The following DTNA variants were observed in gnomAD, a reference collection of about 807,000 sequenced individuals.
DTNA encodes the protein dystrobrevin alpha.
A neutral mutation model predicts 100.7 loss-of-function variants in DTNA; 43 were observed. The ratio of observed to expected loss-of-function variants is 0.43; its 90% CI spans 0.33 to 0.55. DTNA has a LOEUF of 0.55. Among genes scored for constraint, DTNA ranks in the 20% least tolerant of loss-of-function variants. The pLI is 0.04. For missense variants in DTNA, 798 were observed against 953.9 expected, an observed-to-expected ratio of 0.84 and a Z score of 2.15; for synonymous variants, 349 against 347.9, an observed-to-expected ratio of 1.00 and a Z score of -0.04.
chr18:34,631,065 A>G (rs2058022455), intron 1 of DTNA, among the ~76,000 whole-genome samples: 1 of 152,206 alleles, frequency 6.6e-6, no homozygotes, highest in Non-Finnish European at 1.5e-5. Context: ...AAAATGATTT[A>G]AACAATAATA....
intron 1 of DTNA, among the ~76,000 whole-genome samples, chr18:34,694,855 T>G (rs2080288062): frequency 2.0e-5 from 3 of 152,184 alleles, no homozygotes; most frequent in Non-Finnish European, 4.4e-5. Flanking sequence ...GGTTACATTC[T>G]TCCCATTCAG....
intron 1 of DTNA, among the ~76,000 whole-genome samples, chr18:34,579,423 A>T (rs568485243): frequency 6.6e-6 from 1 of 152,334 alleles, no homozygotes; most frequent in African/African-American, 2.4e-5. Context: ...TTGTAGATTC[A>T]GGCTTTCAGC....
intron 4 of DTNA, among the ~76,000 whole-genome samples, chr18:34,804,533 C>T (rs17557382): frequency 0.1 from 15,689 of 152,068 alleles, 1,040 homozygotes; most frequent in South Asian, 0.15. Flanking sequence ...AACATTTGTT[C>T]GGAGTGGTAG....
intron 1 of DTNA, among the ~76,000 whole-genome samples, chr18:34,548,500 C>T (rs1049972450): frequency 1.8e-4 from 28 of 152,048 alleles, no homozygotes; most frequent in Middle Eastern, 3.4e-3. Flanking sequence ...ATTTTACAAT[C>T]GAAGCATTTC....
intron 3 of DTNA, among the ~76,000 whole-genome samples, chr18:34,791,116 G>T (rs2094720648): frequency 6.6e-6 from 1 of 152,136 alleles, no homozygotes; most frequent in Admixed American, 6.5e-5. Context: ...CACTCCTGTG[G>T]TCACTCCCAT....
chr18:34,516,532 C>T (rs751634848), intron 1 of DTNA, among the ~76,000 whole-genome samples: 12 of 152,126 alleles, frequency 7.9e-5, no homozygotes, highest in South Asian at 2.1e-4. Context: ...ACAGGAGACC[C>T]GGGCTTATTT....
At chr18:34,553,436 G>C (rs1213107345) in intron 1 of DTNA, among the ~76,000 whole-genome samples, 1 of 150,354 alleles carries the variant, frequency 6.7e-6, no homozygotes, top group African/African-American at 2.4e-5. Flanking sequence ...TTGGTGTTTT[G>C]GACATGAAGT....
chr18:34,797,660 A>G (rs1482509318), intron 4 of DTNA, among the ~76,000 whole-genome samples: 1 of 152,212 alleles, frequency 6.6e-6, no homozygotes, highest in African/African-American at 2.4e-5. Context: ...AAAGAAAAAT[A>G]TTGCAGAAAG....
At position 34,815,936 on chromosome 18, in the gene DTNA, G is replaced by A. The variant is rs1171832346; in HGVS notation, c.631G>A (p.Asp211Asn). ...QKKVTLNGFL[D>N]TLMSDPPPQC... ...AAAAGTCACGTTAAATGGTTTCTTG[G>A]ACACGCTTATGTCAGATCCTCCCCC... The change falls in exon 7 of 23, where the codon GAC becomes AAC. Residue 211 changes from aspartate (D) to asparagine (N), a missense_variant. By Grantham distance (23) the Asp-to-Asn change is conservative (BLOSUM62 1). Coordinates refer to ENST00000444659, the MANE Select transcript of DTNA (RefSeq NM_001386795.1). 1 of 1,613,808 alleles carries A rather than the reference G, an allele frequency of 6.2e-7. No homozygotes were observed. Among genetic ancestry groups the A allele is most frequent in the Non-Finnish European group, 8.5e-7 (1 of 1,179,768 alleles).
intron 1 of DTNA, among the ~76,000 whole-genome samples, chr18:34,576,647 T>TGGG (rs2048138080): frequency 6.6e-6 from 1 of 152,056 alleles, no homozygotes; most frequent in African/African-American, 2.4e-5. Context: ...GTAGTAAAGA[T>TGGG]GGGGTTTCAC....
intron 1 of DTNA, among the ~76,000 whole-genome samples, chr18:34,556,144 T>G (rs1268488558): frequency 6.6e-6 from 1 of 151,758 alleles, no homozygotes; most frequent in Non-Finnish European, 1.5e-5. Context: ...TTGTCTCTTT[T>G]GATCTTTGTT....
At chr18:34,668,948 G>C (rs2076340985) in intron 1 of DTNA, among the ~76,000 whole-genome samples, 1 of 152,192 alleles carries the variant, frequency 6.6e-6, no homozygotes, top group Admixed American at 6.5e-5. Context: ...AGGTCCACTT[G>C]TTGCAGAGCT....
intron 1 of DTNA, among the ~76,000 whole-genome samples, chr18:34,574,730 C>T (rs1245259449): frequency 1.3e-5 from 2 of 152,144 alleles, no homozygotes; most frequent in South Asian, 2.1e-4. Flanking sequence ...CTCTTGGGCT[C>T]AAGTGATCCT....
intron 1 of DTNA, among the ~76,000 whole-genome samples, chr18:34,606,982 A>G (rs890416838): frequency 6.6e-6 from 1 of 152,180 alleles, no homozygotes; most frequent in Non-Finnish European, 1.5e-5. Flanking sequence ...CACAAAGTAA[A>G]CAAAGCAAAA....
At chr18:34,797,998 T>A (rs897121004) in intron 4 of DTNA, among the ~76,000 whole-genome samples, 2 of 152,160 alleles carry the variant, frequency 1.3e-5, no homozygotes, top group Admixed American at 6.5e-5. Flanking sequence ...CGTACTAATT[T>A]CTTTTAACTA....
chr18:34,507,470 T>C (rs1463904496), intron 1 of DTNA, among the ~76,000 whole-genome samples: 1 of 152,250 alleles, frequency 6.6e-6, no homozygotes, highest in African/African-American at 2.4e-5. Flanking sequence ...TGTTCTGATT[T>C]GTCAAGTTGT....
chr18:34,875,334 G>A lies in DTNA; in HGVS notation c.1839G>A (p.Pro613=), dbSNP rs1465334352. Residue 613 remains proline, a synonymous_variant, in exon 18 of 23, where the codon CCG becomes CCA. Coordinates refer to ENST00000444659, the MANE Select transcript of DTNA (RefSeq NM_001386795.1). ...PIRSASACST[P]THTPQDSLTG... ...GGTCAGCGTCAGCCTGCTCCACCCC[G>A]ACGCACACGCCGCAGGACTCCCTCA... 15 of 1,614,200 alleles carry A rather than the reference G, an allele frequency of 9.3e-6. No individual in the cohort carries two copies. The highest frequency in any genetic ancestry group is 3.3e-4 in the Middle Eastern group (2 of 6,062).
At chr18:34,812,317 G>C (rs2095502103) in intron 6 of DTNA, among the ~76,000 whole-genome samples, 1 of 152,156 alleles carries the variant, frequency 6.6e-6, no homozygotes, top group South Asian at 2.1e-4. Flanking sequence ...AGTGTTTACT[G>C]ACCATGAGGC....
rs760995588 is a variant in DTNA, at chr18:34,581,621, GT to G, written c.-2+88125del. 7.7e-3 allele frequency among the ~76,000 whole-genome samples: 850 copies of G among 110,332 alleles called. 5 individuals carry two copies. The highest frequency in any genetic ancestry group is 0.017 in the Middle Eastern group (4 of 234). 72.4% of individuals were successfully genotyped at this position (110,332 alleles called of 152,430 possible). A position where few individuals can be genotyped will look rare whatever the true frequency, so the allele number is the denominator to read the frequency against. On this transcript the variant is annotated intron_variant, in intron 1 of 19. Transcript: ENST00000283365. ...TGGCAGTCAGGCATGCCCCTAGTTA[GT>G]TTTTTTTTTTTTTTTTTGTGACGGA...
Sources: gnomAD v4.1 joint callset for allele counts (sites outside exome capture counted in the v4.1 genomes callset) on GRCh38, gnomAD v4.1.1 for gene constraint, MANE v1.5 for transcripts, NCBI Gene and HGNC (gene_info 2026-07-23, HGNC 2026-07-21) for gene names.